The following TTC28 variants were observed in gnomAD, a reference collection of about 807,000 sequenced individuals.
The protein encoded by TTC28 is tetratricopeptide repeat protein 28.
Under a neutral mutation model 198.0 loss-of-function variants are expected in TTC28, and 61 were observed. That is an observed-to-expected ratio of 0.31 (90% CI 0.25 to 0.38). The LOEUF (loss-of-function observed/expected upper bound fraction) is 0.38. Among genes scored for constraint, TTC28 ranks in the 10% least tolerant of loss-of-function variants. The pLI, the probability that TTC28 is intolerant of heterozygous loss-of-function variation, is 1.00. For missense variants in TTC28, 2,678 were observed against 3,164.0 expected, an observed-to-expected ratio of 0.85 and a Z score of 3.69; for synonymous variants, 1,171 against 1,297.8, an observed-to-expected ratio of 0.90 and a Z score of 2.10.
chr22:28,297,438 T>A, intron 4 of TTC28, 142 bp downstream of exon 4: 1 of 1,040,774 alleles, frequency 9.6e-7, no homozygotes, highest in Non-Finnish European at 1.3e-6. Context: ...TTCCTGGCCT[T>A]AAGCAATCCT....
chr22:28,096,483 T>A, intron 10 of TTC28, 75 bp from the exon 11 acceptor site: 1 of 1,487,672 alleles, frequency 6.7e-7, no homozygotes, highest in Admixed American at 2.1e-5. Context: ...GGGACGGCCA[T>A]CAAATCCTGG....
chr22:28,510,257 CA>C (rs1341758677), intron 2 of TTC28, among the ~76,000 whole-genome samples: 2 of 152,130 alleles, frequency 1.3e-5, no homozygotes, highest in East Asian at 3.8e-4. Context: ...AACATCAATG[CA>C]AAAATCCTCA....
At chr22:28,437,785 G>C (rs541959720) in intron 2 of TTC28, among the ~76,000 whole-genome samples, 230 of 152,160 alleles carry the variant, frequency 1.5e-3, no homozygotes, top group African/African-American at 5.3e-3. Context: ...TAGAGATGAG[G>C]TTTTGCCATG....
intron 19 of TTC28, 135 bp from the exon 20 acceptor site, chr22:27,990,947 A>C: frequency 1.2e-6 from 1 of 843,532 alleles, no homozygotes; most frequent in Non-Finnish European, 1.8e-6. Context: ...TCTGACTGGG[A>C]GGGGAGAGGA....
intron 5 of TTC28, among the ~76,000 whole-genome samples, chr22:28,205,960 G>A (rs941482588): frequency 8.6e-5 from 13 of 151,538 alleles, no homozygotes; most frequent in East Asian, 3.9e-4. Flanking sequence ...TACAGGCCCC[G>A]GCTGCACAAA....
intron 1 of TTC28, among the ~76,000 whole-genome samples, chr22:28,651,319 T>TTTTTTTTTTTTTTTTTTTA (rs2051560439): frequency 2.0e-5 from 3 of 151,624 alleles, no homozygotes; most frequent in Admixed American, 6.6e-5. Flanking sequence ...TCCTTTTTTT[T>TTTTTTTTTTTTTTTTTTTA]GAGACAGGGT....
At chr22:28,394,026 C>T (rs527579597) in intron 2 of TTC28, among the ~76,000 whole-genome samples, 10 of 152,260 alleles carry the variant, frequency 6.6e-5, no homozygotes, top group African/African-American at 9.6e-5. Context: ...GGTCCCACCA[C>T]GCCAGCTCAG....
chr22:27,998,258 A>T (rs929626219), intron 16 of TTC28: 10 of 522,630 alleles, frequency 1.9e-5, no homozygotes, highest in African/African-American at 1.9e-4. Context: ...TGAGGGTGCC[A>T]TGGAATGGGT....
At chr22:28,390,147 G>C (rs549746916) in intron 2 of TTC28, among the ~76,000 whole-genome samples, 3 of 152,292 alleles carry the variant, frequency 2.0e-5, no homozygotes, top group East Asian at 1.9e-4. Context: ...ATGTAGTTGA[G>C]CTGTTTTGAG....
At chr22:28,118,620 A>T (rs1313829081) in intron 6 of TTC28, among the ~76,000 whole-genome samples, 1 of 152,196 alleles carries the variant, frequency 6.6e-6, no homozygotes, top group Non-Finnish European at 1.5e-5. Context: ...TATACCACGT[A>T]GCCTAAGTGT....
At chr22:28,308,631 C>G (rs114401054) in intron 2 of TTC28, among the ~76,000 whole-genome samples, 14 of 152,248 alleles carry the variant, frequency 9.2e-5, no homozygotes, top group African/African-American at 3.4e-4. Flanking sequence ...GTGTTAAATG[C>G]AAGCTTTGGT....
At chr22:28,654,000 A>AAGG in intron 1 of TTC28, among the ~76,000 whole-genome samples, 1 of 152,218 alleles carries the variant, frequency 6.6e-6, no homozygotes, top group Non-Finnish European at 1.5e-5. Flanking sequence ...TTGTGTGCTG[A>AAGG]ACTTCCGTTC....
intron 2 of TTC28, among the ~76,000 whole-genome samples, chr22:28,537,848 CAA>C (rs1343292510): frequency 6.6e-6 from 1 of 152,014 alleles, no homozygotes; most frequent in Non-Finnish European, 1.5e-5. Context: ...GAAATTAAGA[CAA>C]AGAAGCTGTG....
At chr22:28,060,763 T>C (rs12166740) in intron 12 of TTC28, among the ~76,000 whole-genome samples, 12,422 of 151,786 alleles carry the variant, frequency 0.082, 548 homozygotes, top group African/African-American at 0.091. Flanking sequence ...ACGTTGTTTA[T>C]AGTTCACCAA....
At chr22:28,042,365 T>C (rs1939678734) in intron 12 of TTC28, among the ~76,000 whole-genome samples, 1 of 151,944 alleles carries the variant, frequency 6.6e-6, no homozygotes, top group Admixed American at 6.6e-5. Flanking sequence ...ATTAAGAAAA[T>C]GTGGCACATA....
chr22:28,340,472 A>G (rs2045811875), intron 2 of TTC28, among the ~76,000 whole-genome samples: 1 of 151,910 alleles, frequency 6.6e-6, no homozygotes, highest in African/African-American at 2.4e-5. Flanking sequence ...TTAAAAAAAA[A>G]AAAAAGAAAA....
chr22:28,493,047 T>TA (rs750347534), intron 2 of TTC28, among the ~76,000 whole-genome samples: 7,351 of 66,218 alleles, frequency 0.11, 384 homozygotes, highest in African/African-American at 0.23. Context: ...TTCACGATAC[T>TA]AAAAAAAAAA....
At chr22:28,356,796 C>G (rs1004379710) in intron 2 of TTC28, among the ~76,000 whole-genome samples, 1 of 152,136 alleles carries the variant, frequency 6.6e-6, no homozygotes, top group Middle Eastern at 3.2e-3. Context: ...TGGCTCGTAG[C>G]GGGTTCACGT....
In TTC28 at chr22:27,999,024, A is replaced by G. The variant is rs1407011643; in HGVS notation, c.4635T>C (p.Phe1545=). 6.4e-7 allele frequency: 1 copy of G among 1,550,406 alleles called. No individual in the cohort carries two copies. The highest frequency in any genetic ancestry group is 8.7e-7 in the Non-Finnish European group (1 of 1,146,976). Residue 1545 remains phenylalanine (F), a synonymous_variant, in exon 16 of 23, where the codon TTT becomes TTC. Transcript: ENST00000397906. ...ACAGCTTCCAGGAGATGTGGGTGGC[A>G]AAGTGGACGCATTCAGCCTGGGTCA... ...SALTQAECVH[F]ATHISWKLSA...
Sources: gnomAD v4.1 joint callset for allele counts (sites outside exome capture counted in the v4.1 genomes callset) on GRCh38, gnomAD v4.1.1 for gene constraint, MANE v1.5 for transcripts, NCBI Gene and HGNC (gene_info 2026-07-23, HGNC 2026-07-21) for gene names.